The following NOVA1 variants were observed in gnomAD, a reference collection of about 807,000 sequenced individuals.
The protein encoded by NOVA1 is NOVA alternative splicing regulator 1.
Under a neutral mutation model 38.0 loss-of-function variants are expected in NOVA1, and 7 were observed. That is an observed-to-expected ratio of 0.18 (90% CI 0.10 to 0.35). The LOEUF (loss-of-function observed/expected upper bound fraction) is 0.35. Ranked by LOEUF, NOVA1 falls within the 10% of genes least tolerant of loss-of-function variation. The pLI is 1.00. For missense variants in NOVA1, 460 were observed against 616.0 expected, an observed-to-expected ratio of 0.75 and a Z score of 2.68; for synonymous variants, 270 against 232.5, an observed-to-expected ratio of 1.16 and a Z score of -1.47.
At chr14:26,568,887 T>C (rs17111388) in intron 2 of NOVA1, among the ~76,000 whole-genome samples, 34,633 of 152,056 alleles carry the variant, frequency 0.23, 4,424 homozygotes, top group East Asian at 0.34. Flanking sequence ...GAAAAAATTA[T>C]CTGGGAATTC....
intron 3 of NOVA1, among the ~76,000 whole-genome samples, chr14:26,476,954 C>A (rs1245212): frequency 0.98 from 148,377 of 151,378 alleles, 72,802 homozygotes; most frequent in Middle Eastern, 1. Context: ...ACCTCAGGTG[C>A]TCTGCTCGCC....
At chr14:26,465,104 T>G (rs1029530984) in intron 4 of NOVA1, among the ~76,000 whole-genome samples, 1 of 152,200 alleles carries the variant, frequency 6.6e-6, no homozygotes, top group Non-Finnish European at 1.5e-5. Context: ...TCTTATATAT[T>G]TCTGATGAAC....
At chr14:26,465,876 A>AACACAAT (rs1171631584) in intron 4 of NOVA1, among the ~76,000 whole-genome samples, 1 of 152,160 alleles carries the variant, frequency 6.6e-6, no homozygotes, top group East Asian at 1.9e-4. Flanking sequence ...GAGAGTAAGA[A>AACACAAT]ACACAATACA....
At chr14:26,450,784 A>T (rs1882604775) in intron 4 of NOVA1, among the ~76,000 whole-genome samples, 1 of 152,178 alleles carries the variant, frequency 6.6e-6, no homozygotes, top group Non-Finnish European at 1.5e-5. Flanking sequence ...TATCCCATAC[A>T]CATGAAATAC....
chr14:26,592,486 C>T (rs1267079821), intron 2 of NOVA1, among the ~76,000 whole-genome samples: 3 of 150,898 alleles, frequency 2.0e-5, no homozygotes, highest in Non-Finnish European at 3.0e-5. Context: ...AAATGGATTA[C>T]GTAGTACAGC....
At chr14:26,587,320 A>G (rs562355611) in intron 2 of NOVA1, among the ~76,000 whole-genome samples, 1 of 150,304 alleles carries the variant, frequency 6.7e-6, no homozygotes. Context: ...AAAAAAAAAA[A>G]AAACAAAAAT....
chr14:26,480,006 T>C lies in NOVA1; in HGVS notation c.418A>G (p.Thr140Ala). The C allele has an allele frequency of 6.2e-7, 1 of 1,614,038 alleles. No individual in the cohort carries two copies. Among genetic ancestry groups the C allele is most frequent in the Non-Finnish European group, 8.5e-7 (1 of 1,179,972 alleles). The change falls in exon 3 of 5, where the codon ACC becomes GCC. Residue 140 changes from threonine to alanine, a missense_variant. Thr to Ala is a moderately conservative substitution (Grantham distance 58). Coordinates refer to ENST00000539517, the MANE Select transcript of NOVA1 (RefSeq NM_002515.3). ...TTGATGCGATCTGGATTAACGGTGG[T>C]CTGGGGTTGTAGAATGCTGACTGGT... ...TEPVSILQPQ[T>A]TVNPDRIKQT...
chr14:26,574,183 G>A (rs1019542300), intron 2 of NOVA1, among the ~76,000 whole-genome samples: 1 of 149,866 alleles, frequency 6.7e-6, no homozygotes, highest in African/African-American at 2.5e-5. Context: ...CTGTTACCAC[G>A]CCTGGCTAAT....
At chr14:26,503,164 A>C (rs922246653) in intron 2 of NOVA1, among the ~76,000 whole-genome samples, 1 of 152,118 alleles carries the variant, frequency 6.6e-6, no homozygotes, top group Non-Finnish European at 1.5e-5. Context: ...CATATGTAAT[A>C]AATGTTAGAT....
In NOVA1 at chr14:26,448,640, A is replaced by G. The variant is rs774573597; in HGVS notation, c.843T>C (p.Thr281=). 3.7e-6 allele frequency: 6 copies of G among 1,614,134 alleles called. No homozygotes were observed. The African/African-American group carries it at 8.0e-5, about 22-fold the overall frequency. Residue 281 remains threonine (T), a synonymous_variant, in exon 5 of 5, where the codon ACT becomes ACC. Coordinates refer to ENST00000539517, the MANE Select transcript of NOVA1 (RefSeq NM_002515.3). This position sits in a 1 kb window ranked among gnomAD's most constrained non-coding sequence, Gnocchi z 5.3. ...PYANTAEVLP[T]AAAAAGLLGH... is the part of the protein sequence containing the mutation. ...CTAATAGCCCTGCAGCTGCTGCAGCAGTTGGTAACACTTCAGCAGTGTTTG... is the reference window on the plus strand; with the variant it reads ...CTAATAGCCCTGCAGCTGCTGCAGCGGTTGGTAACACTTCAGCAGTGTTTG...
chr14:26,461,164 A>G (rs1244554403), intron 4 of NOVA1, among the ~76,000 whole-genome samples: 1 of 152,180 alleles, frequency 6.6e-6, no homozygotes, highest in Non-Finnish European at 1.5e-5. Flanking sequence ...CCAATACTAG[A>G]CACAGGATTC....
At chr14:26,472,117 A>G in intron 4 of NOVA1, 1 of 498,902 alleles carries the variant, frequency 2.0e-6, no homozygotes, top group Non-Finnish European at 3.6e-6. Flanking sequence ...TAATATCTGA[A>G]TATAGTATTT....
chr14:26,454,954 C>A (rs117286533), intron 4 of NOVA1, among the ~76,000 whole-genome samples: 1,557 of 152,084 alleles, frequency 0.01, 9 homozygotes, highest in Non-Finnish European at 0.017. Context: ...TTGAACAAAG[C>A]AAATTGAAAA....
intron 4 of NOVA1, among the ~76,000 whole-genome samples, chr14:26,452,077 TA>T (rs1882727993): frequency 6.6e-6 from 1 of 152,204 alleles, no homozygotes; most frequent in Admixed American, 6.5e-5. Context: ...AACATAAATA[TA>T]AAAAGTTTCA....
intron 2 of NOVA1, among the ~76,000 whole-genome samples, chr14:26,561,122 G>A (rs989780895): frequency 1.3e-5 from 2 of 152,070 alleles, no homozygotes; most frequent in African/African-American, 4.8e-5. Flanking sequence ...AGATTCTAAC[G>A]CCACTGCTGA....
At chr14:26,456,813 A>C (rs1883217921) in intron 4 of NOVA1, among the ~76,000 whole-genome samples, 1 of 151,988 alleles carries the variant, frequency 6.6e-6, no homozygotes, top group Admixed American at 6.6e-5. Context: ...ATAATGTATT[A>C]GTGTTTTAAG....
At chr14:26,498,093 T>C (rs1413954672) in intron 2 of NOVA1, among the ~76,000 whole-genome samples, 4 of 152,134 alleles carry the variant, frequency 2.6e-5, no homozygotes, top group South Asian at 2.1e-4. Flanking sequence ...ATAGTCTTGC[T>C]CTGTCACCCA....
intron 2 of NOVA1, among the ~76,000 whole-genome samples, chr14:26,484,710 C>G (rs1274577063): frequency 6.6e-6 from 1 of 152,096 alleles, no homozygotes; most frequent in East Asian, 1.9e-4. Context: ...TTCATCACAG[C>G]TGTACCTGGA....
At chr14:26,563,117 T>G (rs1891924594) in intron 2 of NOVA1, among the ~76,000 whole-genome samples, 1 of 151,720 alleles carries the variant, frequency 6.6e-6, no homozygotes, top group African/African-American at 2.4e-5. Context: ...CAACCAAATA[T>G]GTAGCACCAC....
Sources: gnomAD v4.1 joint callset for allele counts (sites outside exome capture counted in the v4.1 genomes callset) on GRCh38, gnomAD v4.1.1 for gene constraint, Gnocchi (gnomAD v3.1) non-coding constraint, MANE v1.5 for transcripts, NCBI Gene and HGNC (gene_info 2026-07-23, HGNC 2026-07-21) for gene names.